Variants in ELP4 observed in about 807,000 individuals in gnomAD.
The protein encoded by ELP4 is elongator acetyltransferase complex subunit 4, also known as elongator complex protein 4.
ELP4 carries 51 observed loss-of-function variants against 48.9 expected under a neutral mutation model. The ratio of observed to expected loss-of-function variants is 1.04; its 90% CI spans 0.83 to 1.32. ELP4 has a LOEUF of 1.32. Among genes scored for constraint, ELP4 ranks in the 40% most tolerant of loss-of-function variants. ELP4 has a pLI of 0.00. For synonymous variants in ELP4, 210 were observed against 189.2 expected, an observed-to-expected ratio of 1.11 and a Z score of -0.90; for missense variants, 519 against 514.6, an observed-to-expected ratio of 1.01 and a Z score of -0.08.
intron 3 of ELP4, among the ~76,000 whole-genome samples, chr11:31,590,612 T>C (rs1406639998): frequency 7.9e-5 from 12 of 152,130 alleles, no homozygotes; most frequent in Admixed American, 7.9e-4. Context: ...CCTGGGTAAT[T>C]TATGAAGAGG....
At chr11:31,612,318 G>A (rs1957996939) in intron 5 of ELP4, among the ~76,000 whole-genome samples, 1 of 152,178 alleles carries the variant, frequency 6.6e-6, no homozygotes, top group African/African-American at 2.4e-5. Flanking sequence ...CCACTAGGGA[G>A]TGGTTACTTA....
At chr11:31,696,518 C>T (rs553892881) in intron 9 of ELP4, among the ~76,000 whole-genome samples, 1 of 152,242 alleles carries the variant, frequency 6.6e-6, no homozygotes, top group South Asian at 2.1e-4. Flanking sequence ...TTTGATTGCA[C>T]TGTGGTCTGA....
intron 9 of ELP4, among the ~76,000 whole-genome samples, chr11:31,679,954 T>C (rs1426315848): frequency 6.6e-6 from 1 of 152,216 alleles, no homozygotes; most frequent in Non-Finnish European, 1.5e-5. Flanking sequence ...ATGTCCACCC[T>C]GAGCTTCCAA....
intron 3 of ELP4, among the ~76,000 whole-genome samples, chr11:31,575,490 A>C (rs1007943998): frequency 6.6e-6 from 1 of 152,200 alleles, no homozygotes; most frequent in Non-Finnish European, 1.5e-5. Flanking sequence ...CATAATTGTC[A>C]GACTCACCAA....
intron 9 of ELP4, chr11:31,654,052 C>T (rs897573819): frequency 2.0e-5 from 3 of 151,538 alleles, no homozygotes; most frequent in African/African-American, 4.8e-5. Flanking sequence ...CATACTGTAG[C>T]ACATTCTAGT....
Position 31,787,859 on chromosome 11 carries a change from T to C in ELP4, c.*4335T>C, listed in dbSNP as rs899616749. ...ATTGAACGAGAAGGTCATGTTTAAA[T>C]CCTTCCATTAATTTCTACATTTCTG... is the stretch of plus-strand genomic sequence containing the variant. On this transcript the variant is annotated 3_prime_UTR_variant, in exon 10 of 10. Transcript: ENST00000640961. 8.9e-6 allele frequency: 2 copies of C among 224,086 alleles called. No homozygotes were observed. Among genetic ancestry groups the C allele is most frequent in the African/African-American group, 2.2e-5 (1 of 44,864 alleles). The allele number at this position is 224,086 out of a possible 1,614,324, so 13.9% of individuals were successfully genotyped here.
chr11:31,709,480 G>C (rs954707823), intron 9 of ELP4, among the ~76,000 whole-genome samples: 91 of 152,186 alleles, frequency 6.0e-4, no homozygotes, highest in African/African-American at 1.9e-3. Context: ...TTATTACTCT[G>C]TAATGATACC....
intron 3 of ELP4, among the ~76,000 whole-genome samples, chr11:31,555,511 A>T (rs1229920840): frequency 6.6e-6 from 1 of 151,882 alleles, no homozygotes; most frequent in Non-Finnish European, 1.5e-5. Context: ...TGTTGTACAA[A>T]CACTGTGATT....
chr11:31,780,223 T>G (rs1948341158), intron 9 of ELP4, among the ~76,000 whole-genome samples: 1 of 152,154 alleles, frequency 6.6e-6, no homozygotes, highest in African/African-American at 2.4e-5. Flanking sequence ...CATCTGAACA[T>G]TTACATGTCA....
chr11:31,632,406 G>A lies in ELP4; in HGVS notation c.927+1G>A, dbSNP rs1359235513. 1 of 1,601,344 alleles carries A rather than the reference G, an allele frequency of 6.2e-7. No individual in the cohort carries two copies. ...CACAATGCCAACACATCTGATCCAG[G>A]TACGAAATTTCCAGAACTACTTTTT... On this transcript the variant is annotated splice_donor_variant, in intron 7 of 9. Coordinates refer to ENST00000640961, the MANE Select transcript of ELP4 (RefSeq NM_019040.5). LOFTEE classifies it high-confidence loss of function.
At chr11:31,674,890 A>G (rs1002858932) in intron 9 of ELP4, among the ~76,000 whole-genome samples, 4 of 152,212 alleles carry the variant, frequency 2.6e-5, no homozygotes, top group African/African-American at 9.7e-5. Context: ...TTACCTCTTT[A>G]TATAATAGCA....
intron 3 of ELP4, among the ~76,000 whole-genome samples, chr11:31,552,569 CCAAGGATT>C (rs1249525871): frequency 1.3e-5 from 2 of 152,122 alleles, no homozygotes; most frequent in East Asian, 3.8e-4. Context: ...CAAGCCTAAA[CCAAGGATT>C]CATCCTTAAC....
chr11:31,650,006 G>T (rs1196158517), intron 8 of ELP4, 109 bp from the exon 9 acceptor site: 8 of 492,102 alleles, frequency 1.6e-5, no homozygotes, highest in Non-Finnish European at 3.0e-5. Flanking sequence ...GTTTTAAAAG[G>T]GGAGGATGCT....
chr11:31,696,179 C>G lies in ELP4; in HGVS notation c.1143+45958C>G, dbSNP rs1592231786. Among the ~76,000 whole-genome samples, 5 of 152,198 alleles carry G rather than the reference C, an allele frequency of 3.3e-5. No homozygotes were observed. The South Asian group carries it at 1.0e-3, about 32-fold the overall frequency. ...TGTCTCTATCTCCTTCTGTTCTGCT[C>G]TTATCTTAGTTATTTCTTGCCTTCT... is the stretch of plus-strand genomic sequence containing the variant. On this transcript the variant is annotated intron_variant, in intron 9 of 9. Transcript: ENST00000640961.
At chr11:31,624,464 A>AG (rs1487059609) in intron 5 of ELP4, among the ~76,000 whole-genome samples, 1 of 151,664 alleles carries the variant, frequency 6.6e-6, no homozygotes, top group African/African-American at 2.4e-5. Flanking sequence ...CACCTGTATA[A>AG]GACACTTACC....
At chr11:31,556,786 A>G (rs745361933) in intron 3 of ELP4, among the ~76,000 whole-genome samples, 8 of 151,918 alleles carry the variant, frequency 5.3e-5, no homozygotes, top group Non-Finnish European at 1.0e-4. Context: ...CAATAAAAAG[A>G]AAGTAGGAGG....
chr11:31,678,821 A>G (rs1374412988), intron 9 of ELP4, among the ~76,000 whole-genome samples: 1 of 152,184 alleles, frequency 6.6e-6, no homozygotes, highest in African/African-American at 2.4e-5. Context: ...TCATTTTGCA[A>G]GAAACTGGCA....
chr11:31,641,319 T>C (rs1229572904), intron 7 of ELP4, among the ~76,000 whole-genome samples: 3 of 151,236 alleles, frequency 2.0e-5, no homozygotes, highest in African/African-American at 2.5e-5. Context: ...GAGAAAGAGA[T>C]TGTGAAGTCT....
intron 5 of ELP4, among the ~76,000 whole-genome samples, chr11:31,611,393 C>T (rs548657731): frequency 6.6e-6 from 1 of 152,244 alleles, no homozygotes; most frequent in African/African-American, 2.4e-5. Context: ...CGGCTCTTAT[C>T]ACTACTCTGC....
Sources: allele counts gnomAD v4.1 joint callset (sites outside exome capture counted in the v4.1 genomes callset), GRCh38; gene constraint gnomAD v4.1.1; transcripts MANE v1.5; gene names NCBI Gene and HGNC (gene_info 2026-07-23, HGNC 2026-07-21).